The following SCAPER variants were observed in gnomAD, a reference collection of about 807,000 sequenced individuals.
SCAPER encodes the protein S phase cyclin A-associated protein in the endoplasmic reticulum.
SCAPER carries 98 observed loss-of-function variants against 182.2 expected under a neutral mutation model. The observed-to-expected ratio is 0.54, with a 90% confidence interval of 0.46 to 0.64. SCAPER has a LOEUF of 0.64. Among genes scored for constraint, SCAPER ranks in the 30% least tolerant of loss-of-function variants. The pLI is 0.00. For missense variants in SCAPER, 1,432 were observed against 1,690.0 expected (o/e 0.85, Z 2.68); for synonymous variants, 605 against 564.6 (o/e 1.07, Z -1.01).
At chr15:76,762,115 T>C (rs1190139463) in intron 14 of SCAPER, among the ~76,000 whole-genome samples, 2 of 152,194 alleles carry the variant, frequency 1.3e-5, no homozygotes, top group African/African-American at 2.4e-5. Context: ...TTGGTTACAA[T>C]TTACATGGAA....
intron 5 of SCAPER, among the ~76,000 whole-genome samples, chr15:76,824,845 T>C (rs1414632528): frequency 1.3e-5 from 2 of 152,216 alleles, no homozygotes; most frequent in Non-Finnish European, 2.9e-5. Flanking sequence ...TCCTTTATAA[T>C]TTAAACCTTA....
At chr15:76,364,894 TC>T (rs2041704795) in intron 29 of SCAPER, among the ~76,000 whole-genome samples, 1 of 152,082 alleles carries the variant, frequency 6.6e-6, no homozygotes, top group Non-Finnish European at 1.5e-5. Flanking sequence ...TAGTCTTAGC[TC>T]TTGTTTCTCC....
chr15:76,799,291 T>TTC (rs2065576870), intron 7 of SCAPER, among the ~76,000 whole-genome samples: 1 of 151,494 alleles, frequency 6.6e-6, no homozygotes, highest in African/African-American at 2.4e-5. Context: ...CCTGGAATTT[T>TTC]TTTTTTTTTT....
rs192546309 is a variant in SCAPER at position 76,387,031 on chromosome 15, A to G, written c.3468-5416T>C. Among the ~76,000 whole-genome samples the G allele has an allele frequency of 1.7e-4, 26 of 152,358 alleles. No homozygotes were observed. In the East Asian group the frequency reaches 2.7e-3, roughly 16 times the overall value. On this transcript the variant is annotated intron_variant, in intron 27 of 31. Transcript: ENST00000563290. Reference sequence around the variant, plus strand: ...GGCTGCTTTAATCATCCAAGTGAGAAATAATGGTATATGAATCAGGATGGT... The same window carrying G: ...GGCTGCTTTAATCATCCAAGTGAGAGATAATGGTATATGAATCAGGATGGT...
rs959516000 is a variant in SCAPER, at chr15:76,354,260, C to A, written c.3856-120G>T. 6 of 789,576 alleles carry A rather than the reference C, an allele frequency of 7.6e-6. No individual in the cohort carries two copies. The highest frequency in any genetic ancestry group is 3.8e-5 in the Admixed American group (1 of 26,482). The allele number at this position is 789,576 out of a possible 1,614,324, so 48.9% of individuals were successfully genotyped here. On this transcript the variant is annotated intron_variant, in intron 29 of 31. Coordinates refer to ENST00000563290, the MANE Select transcript of SCAPER (RefSeq NM_020843.4). This position sits in a 1 kb window ranked among gnomAD's most constrained non-coding sequence, Gnocchi z 4.4. ...CTGAAGGAGTGTAAAGAAAAAGACT[C>A]CTGACTCCGTACCAGAGCTTAATTT...
At chr15:76,517,231 C>T (rs147688462) in intron 23 of SCAPER, among the ~76,000 whole-genome samples, 2 of 152,016 alleles carry the variant, frequency 1.3e-5, no homozygotes, top group African/African-American at 4.8e-5. Flanking sequence ...TATATACATA[C>T]ACTTTTAAAA....
At chr15:76,806,332 A>G (rs1477261060) in intron 5 of SCAPER, among the ~76,000 whole-genome samples, 1 of 152,200 alleles carries the variant, frequency 6.6e-6, no homozygotes, top group East Asian at 1.9e-4. Flanking sequence ...CACTCATGTC[A>G]AAAATCAAAT....
intron 29 of SCAPER, among the ~76,000 whole-genome samples, chr15:76,373,275 T>C (rs1439943625): frequency 3.3e-5 from 5 of 152,154 alleles, no homozygotes; most frequent in African/African-American, 1.2e-4. Flanking sequence ...CTCCAACTCC[T>C]GACCTCAGGT....
chr15:76,825,505 T>C (rs768132864), intron 5 of SCAPER, among the ~76,000 whole-genome samples: 2 of 151,998 alleles, frequency 1.3e-5, no homozygotes, highest in African/African-American at 2.4e-5. Flanking sequence ...TATTTGTCCA[T>C]AGTAACACAT....
chr15:76,514,356 A>T (rs1165857307), intron 23 of SCAPER, among the ~76,000 whole-genome samples: 1 of 152,196 alleles, frequency 6.6e-6, no homozygotes, highest in Non-Finnish European at 1.5e-5. Context: ...CTCCATTCTA[A>T]TAACCCCACT....
chr15:76,783,172 T>C (rs537435643), intron 8 of SCAPER, among the ~76,000 whole-genome samples: 35 of 151,504 alleles, frequency 2.3e-4, no homozygotes, highest in Non-Finnish European at 2.5e-4. Context: ...AAGAATCAAA[T>C]AGACACAATA....
At position 76,878,413 on chromosome 15, in the gene SCAPER, T is replaced by C. The variant is rs1312160460; in HGVS notation, c.6+5399A>G. On this transcript the variant is annotated intron_variant, in intron 2 of 31. Transcript: ENST00000563290. ...CCAAAAATGATACAGGGGAGTATTTTCATGATTTTCAGGTAGAAAGAAATA... is the reference window on the plus strand; with the variant it reads ...CCAAAAATGATACAGGGGAGTATTTCCATGATTTTCAGGTAGAAAGAAATA... 3.6e-5 allele frequency among the ~76,000 whole-genome samples: 5 copies of C among 138,808 alleles called. No individual in the cohort carries two copies. The East Asian group carries it at 1.1e-3, about 31-fold the overall frequency. 91.1% of individuals were successfully genotyped at this position (138,808 alleles called of 152,430 possible).
At chr15:76,710,670 T>C (rs1156722870) in intron 17 of SCAPER, among the ~76,000 whole-genome samples, 2 of 152,140 alleles carry the variant, frequency 1.3e-5, no homozygotes, top group African/African-American at 2.4e-5. Context: ...TGGATTGTAA[T>C]ATAAAATATT....
intron 30 of SCAPER, among the ~76,000 whole-genome samples, chr15:76,352,736 C>T (rs1042072129): frequency 1.3e-5 from 2 of 151,946 alleles, no homozygotes; most frequent in African/African-American, 4.8e-5. Context: ...AGATGTGAGC[C>T]ACCACACCTG....
intron 30 of SCAPER, 126 bp downstream of exon 30, chr15:76,353,823 A>G: frequency 1.3e-6 from 1 of 753,022 alleles, no homozygotes; most frequent in Non-Finnish European, 2.0e-6. Flanking sequence ...ATTTTGGAGC[A>G]CATAAATATG....
intron 21 of SCAPER, among the ~76,000 whole-genome samples, chr15:76,637,722 TTATATA>T (rs369760680): frequency 1.3e-5 from 1 of 77,850 alleles, no homozygotes; most frequent in African/African-American, 4.8e-5. Context: ...ATATATGTGA[TTATATA>T]TATATATATA....
intron 24 of SCAPER, among the ~76,000 whole-genome samples, chr15:76,488,982 C>T (rs1362759214): frequency 1.3e-5 from 2 of 151,070 alleles, no homozygotes; most frequent in African/African-American, 4.9e-5. Flanking sequence ...CTCAGCCTCC[C>T]AAAGTGCTAG....
At chr15:76,494,950 C>G (rs1469444390) in intron 24 of SCAPER, among the ~76,000 whole-genome samples, 1 of 152,022 alleles carries the variant, frequency 6.6e-6, no homozygotes, top group Non-Finnish European at 1.5e-5. Flanking sequence ...CTCAGCTAAA[C>G]TGATGATGGA....
At chr15:76,470,079 A>C (rs1011016887) in intron 25 of SCAPER, among the ~76,000 whole-genome samples, 1 of 152,256 alleles carries the variant, frequency 6.6e-6, no homozygotes, top group African/African-American at 2.4e-5. Flanking sequence ...CTCAATGTCA[A>C]TATGTCTGAC....
Sources: gnomAD v4.1 joint callset for allele counts (sites outside exome capture counted in the v4.1 genomes callset) on GRCh38, gnomAD v4.1.1 for gene constraint, Gnocchi (gnomAD v3.1) non-coding constraint, MANE v1.5 for transcripts, NCBI Gene and HGNC (gene_info 2026-07-23, HGNC 2026-07-21) for gene names.